SSBP3: variants seen among roughly 807,000 people sequenced by gnomAD.
SSBP3 encodes the protein single stranded DNA binding protein 3.
In SSBP3, 5 loss-of-function variants were observed where a neutral mutation model predicts 69.6. That is an observed-to-expected ratio of 0.07 (90% CI 0.04 to 0.15). The LOEUF (loss-of-function observed/expected upper bound fraction) is 0.15. Ranked by LOEUF, SSBP3 falls within the 10% of genes least tolerant of loss-of-function variation. The pLI is 1.00. For synonymous variants in SSBP3, 196 were observed against 193.4 expected, an observed-to-expected ratio of 1.01 and a Z score of -0.11; for missense variants, 312 against 534.0, an observed-to-expected ratio of 0.58 and a Z score of 4.10.
intron 7 of SSBP3, among the ~76,000 whole-genome samples, chr1:54,256,874 C>T (rs533832972): frequency 5.9e-5 from 9 of 152,324 alleles, no homozygotes; most frequent in African/African-American, 2.2e-4. Flanking sequence ...CGCCTTAGCT[C>T]CATCTGCTGC....
chr1:54,330,205 C>A (rs1011145351), intron 4 of SSBP3, among the ~76,000 whole-genome samples: 1 of 152,040 alleles, frequency 6.6e-6, no homozygotes, highest in African/African-American at 2.4e-5. Flanking sequence ...CTGGGCCAAA[C>A]TGAAAAAAAC....
In SSBP3 at chr1:54,316,677, T is replaced by TA. The variant is rs1294148762; in HGVS notation, c.277-35151dup. Reference sequence around the variant, plus strand: ...AAAAAAAATAAAATAAATAAATAAATAAATAAATAAATAAATAAATAAATA... The same window carrying TA: ...AAAAAAAATAAAATAAATAAATAAATAAAATAAATAAATAAATAAATAAATA... On this transcript the variant is annotated intron_variant, in intron 4 of 17. Coordinates refer to ENST00000610401, the Ensembl canonical transcript of SSBP3. 3.1e-5 allele frequency among the ~76,000 whole-genome samples: 3 copies of TA among 96,214 alleles called. 1 individual carries two copies. The East Asian group carries it at 1.0e-3, about 33-fold the overall frequency. 63.1% of individuals were successfully genotyped at this position (96,214 alleles called of 152,430 possible). A position where few individuals can be genotyped will look rare whatever the true frequency, so the allele number is the denominator to read the frequency against.
chr1:54,410,429 G>A, upstream of SSBP3, among the ~76,000 whole-genome samples: 1 of 152,196 alleles, frequency 6.6e-6, no homozygotes, highest in East Asian at 1.9e-4. Flanking sequence ...CCCTTTCCCT[G>A]GTTCAAAGCT....
At chr1:54,233,767 G>A (rs1264288596) in intron 14 of SSBP3, among the ~76,000 whole-genome samples, 2 of 151,870 alleles carry the variant, frequency 1.3e-5, no homozygotes, top group Non-Finnish European at 2.9e-5. Flanking sequence ...GGAGGTGGGG[G>A]GGTCAGCCCC....
intron 4 of SSBP3, among the ~76,000 whole-genome samples, chr1:54,373,581 T>C (rs1416391382): frequency 6.6e-6 from 1 of 151,644 alleles, no homozygotes; most frequent in African/African-American, 2.4e-5. Context: ...CTAGACAACA[T>C]GGTGAAACCC....
At chr1:54,271,276 A>G (rs1645188467) in intron 5 of SSBP3, among the ~76,000 whole-genome samples, 1 of 152,036 alleles carries the variant, frequency 6.6e-6, no homozygotes, top group Non-Finnish European at 1.5e-5. Context: ...AAGTCTCGCT[A>G]ATTTTTTAAT....
At chr1:54,341,971 A>G (rs937468365) in intron 4 of SSBP3, among the ~76,000 whole-genome samples, 2 of 152,194 alleles carry the variant, frequency 1.3e-5, no homozygotes, top group Non-Finnish European at 2.9e-5. Context: ...GCAAAGAGGG[A>G]GGAGGCTGGA....
chr1:54,299,493 T>C (rs1645762443), intron 4 of SSBP3, among the ~76,000 whole-genome samples: 2 of 132,162 alleles, frequency 1.5e-5, no homozygotes, highest in South Asian at 2.5e-4. Context: ...ATAATTTGGA[T>C]AGAGGTGGCT....
At position 54,258,219 on chromosome 1, in the gene SSBP3, G is replaced by A; in HGVS notation, c.367-70C>T. ...GGAGAAGCGCAGAAGCAGCTTAAAA[G>A]AACAAAAATTAAACCAAAACGAAGG... On this transcript the variant is annotated intron_variant, in intron 5 of 17. Coordinates refer to ENST00000610401, the Ensembl canonical transcript of SSBP3. The surrounding 1 kb of genome is among the most constrained non-coding windows in gnomAD (Gnocchi z 4.5). 6.8e-6 allele frequency: 6 copies of A among 880,232 alleles called. No homozygotes were observed. Among genetic ancestry groups the A allele is most frequent in the Non-Finnish European group, 7.5e-6 (5 of 667,200 alleles). 54.5% of individuals were successfully genotyped at this position (880,232 alleles called of 1,614,324 possible).
intron 4 of SSBP3, among the ~76,000 whole-genome samples, chr1:54,396,206 AAAAAAAAAAAAAAC>A (rs1349817487): frequency 6.7e-6 from 1 of 149,918 alleles, no homozygotes; most frequent in Non-Finnish European, 1.5e-5. Flanking sequence ...AAAAAAAAAA[AAAAAAAAAAAAAAC>A]AACCCCATTA....
chr1:54,274,412 A>G (rs1645248883), intron 5 of SSBP3, among the ~76,000 whole-genome samples: 1 of 148,024 alleles, frequency 6.8e-6, no homozygotes, highest in Non-Finnish European at 1.5e-5. Flanking sequence ...AGGGTGTCAG[A>G]CAGTTCTACT....
intron 5 of SSBP3, among the ~76,000 whole-genome samples, chr1:54,271,058 G>A (rs754267631): frequency 4.6e-5 from 7 of 152,198 alleles, no homozygotes; most frequent in Non-Finnish European, 8.8e-5. Context: ...GGATCCTGAA[G>A]CCCAGTCATC....
rs190148244 is a variant in SSBP3 at position 54,310,696 on chromosome 1, T to C, written c.277-29169A>G. On this transcript the variant is annotated intron_variant, in intron 4 of 17. Coordinates refer to ENST00000610401, the Ensembl canonical transcript of SSBP3. ...CAAGAGCAAGAGCTAAGTGGAATAG[T>C]GGGGCTGGGTGGGTGGGCCTAGAGA... is the stretch of plus-strand genomic sequence containing the variant. 1.9e-3 allele frequency among the ~76,000 whole-genome samples: 161 copies of C among 84,134 alleles called. 3 individuals are homozygous for C. The South Asian group carries it at 0.047, about 25-fold the overall frequency. 55.2% of individuals were successfully genotyped at this position (84,134 alleles called of 152,430 possible). A position where few individuals can be genotyped will look rare whatever the true frequency, so the allele number is the denominator to read the frequency against.
intron 4 of SSBP3, among the ~76,000 whole-genome samples, chr1:54,328,241 T>C (rs1368397726): frequency 6.6e-6 from 1 of 152,154 alleles, no homozygotes; most frequent in Non-Finnish European, 1.5e-5. Flanking sequence ...TCGTCCAGTG[T>C]GTTCACAACA....
chr1:54,401,434 T>C (rs553652529), intron 4 of SSBP3, among the ~76,000 whole-genome samples: 206 of 152,084 alleles, frequency 1.4e-3, no homozygotes, highest in African/African-American at 4.6e-3. Flanking sequence ...CTCTGGAAAG[T>C]AGAGCAAGAG....
chr1:54,407,230 C>A (rs1649843848), upstream of SSBP3, among the ~76,000 whole-genome samples: 1 of 152,126 alleles, frequency 6.6e-6, no homozygotes, highest in Non-Finnish European at 1.5e-5. Flanking sequence ...CCAAGGTTTG[C>A]CAGTCTTGGC....
chr1:54,323,047 C>T (rs1231186536), intron 4 of SSBP3, among the ~76,000 whole-genome samples: 3 of 152,186 alleles, frequency 2.0e-5, no homozygotes, highest in Non-Finnish European at 4.4e-5. Flanking sequence ...ACTTCCAGAA[C>T]AAAGACAAGG....
At chr1:54,378,336 T>C (rs968560548) in intron 4 of SSBP3, among the ~76,000 whole-genome samples, 1 of 152,228 alleles carries the variant, frequency 6.6e-6, no homozygotes, top group African/African-American at 2.4e-5. Context: ...ATATGGGTGC[T>C]TCGCTACCCA....
At chr1:54,280,677 T>A (rs1024624254) in intron 5 of SSBP3, among the ~76,000 whole-genome samples, 1 of 151,846 alleles carries the variant, frequency 6.6e-6, no homozygotes, top group African/African-American at 2.4e-5. Context: ...CAGTCTCAAG[T>A]TGGCTTAAAT....
Sources: gnomAD v4.1 joint callset for allele counts (sites outside exome capture counted in the v4.1 genomes callset) on GRCh38, gnomAD v4.1.1 for gene constraint, Gnocchi (gnomAD v3.1) non-coding constraint, MANE v1.5 for transcripts, NCBI Gene and HGNC (gene_info 2026-07-23, HGNC 2026-07-21) for gene names.